Variants in CAST observed in about 807,000 individuals in gnomAD.
CAST encodes MIR583 host.
Under a neutral mutation model 119.6 loss-of-function variants are expected in CAST, and 76 were observed. The ratio of observed to expected loss-of-function variants is 0.64; its 90% confidence interval spans 0.53 to 0.77. The LOEUF is 0.77. Among genes scored for constraint, CAST ranks in the 30% least tolerant of loss-of-function variants. The probability of loss-of-function intolerance (pLI) is 0.00; values close to 1 mark genes in which losing one functional copy is unlikely to be tolerated. For synonymous variants in CAST, 319 were observed against 331.6 expected, an observed-to-expected ratio of 0.96 and a Z score of 0.41; for missense variants, 953 against 946.5, an observed-to-expected ratio of 1.01 and a Z score of -0.09.
chr5:95,986,870 G>C, the CAST span, among the ~76,000 whole-genome samples: 1 of 152,164 alleles, frequency 6.6e-6, no homozygotes, highest in Non-Finnish European at 1.5e-5. Flanking sequence ...CCAGGGTAGG[G>C]TTATATCCAT....
At chr5:96,700,750 T>C (rs1433353841) in intron 3 of CAST, among the ~76,000 whole-genome samples, 1 of 152,072 alleles carries the variant, frequency 6.6e-6, no homozygotes, top group Non-Finnish European at 1.5e-5. Flanking sequence ...GGATTTCATA[T>C]ATTTAATAGG....
intron 1 of CAST, among the ~76,000 whole-genome samples, chr5:96,534,119 T>G (rs1745739665): frequency 1.3e-5 from 2 of 152,216 alleles, no homozygotes; most frequent in South Asian, 4.1e-4. Flanking sequence ...GTTTTTCTGA[T>G]GAGCTCAGTA....
the CAST span, among the ~76,000 whole-genome samples, chr5:96,085,975 A>C: frequency 3.3e-5 from 3 of 91,480 alleles, no homozygotes; most frequent in African/African-American, 1.2e-4. Context: ...TGTATCTGCA[A>C]GGGATTGCTT....
rs146711608 is a variant in CAST at position 96,653,517 on chromosome 5, C to T, written c.61-22022C>T. Among the ~76,000 whole-genome samples the T allele has an allele frequency of 3.3e-4, 50 of 152,278 alleles. No homozygotes were observed. The East Asian group carries it at 8.3e-3, about 25-fold the overall frequency. ...ATGAAGTCTTACCTTCTTAAAACAC[C>T]CATCTCCTTCTCTGTAAAATAAGGG... On this transcript the variant is annotated intron_variant, in intron 1 of 11. Transcript: ENST00000505143.
At chr5:96,170,348 C>T in the CAST span, among the ~76,000 whole-genome samples, 6 of 152,134 alleles carry the variant, frequency 3.9e-5, no homozygotes, top group South Asian at 4.1e-4. Flanking sequence ...TAGCAAGCTG[C>T]GGGAGGAGGT....
intron 1 of CAST, among the ~76,000 whole-genome samples, chr5:96,589,804 G>A (rs9314174): frequency 5.9e-5 from 9 of 151,944 alleles, no homozygotes; most frequent in Non-Finnish European, 1.3e-4. Flanking sequence ...CAGCTATCAC[G>A]TCTCATTCAT....
intron 3 of CAST, chr5:96,696,141 A>G (rs905383154): frequency 1.2e-4 from 31 of 262,482 alleles, no homozygotes; most frequent in Non-Finnish European, 2.0e-4. Flanking sequence ...TAAGCGTTAA[A>G]TAAATATTAA....
At chr5:96,447,105 C>T in the CAST span, among the ~76,000 whole-genome samples, 1 of 152,226 alleles carries the variant, frequency 6.6e-6, no homozygotes, top group Admixed American at 6.5e-5. Flanking sequence ...TCGGAGAATT[C>T]AGTGTGGCAG....
At chr5:96,022,284 A>G in the CAST span, among the ~76,000 whole-genome samples, 2 of 152,236 alleles carry the variant, frequency 1.3e-5, no homozygotes, top group Admixed American at 6.5e-5. Flanking sequence ...AATATATGTC[A>G]TATTGTTAAG....
At chr5:96,634,089 T>C (rs1747856346) in intron 1 of CAST, among the ~76,000 whole-genome samples, 1 of 152,256 alleles carries the variant, frequency 6.6e-6, no homozygotes. Context: ...AGTTTTATAC[T>C]GTGTCTATTG....
At chr5:96,129,664 T>C in the CAST span, among the ~76,000 whole-genome samples, 1 of 152,090 alleles carries the variant, frequency 6.6e-6, no homozygotes, top group Non-Finnish European at 1.5e-5. Context: ...TATTTCCCGA[T>C]CCATTTAAAA....
intron 27 of CAST, 90 bp from the exon 28 acceptor site, chr5:96,767,348 A>G: frequency 9.8e-7 from 1 of 1,020,636 alleles, no homozygotes; most frequent in African/African-American, 1.6e-5. Context: ...ATCCAAGTCA[A>G]GTCATGGGAC....
At position 96,748,567 on chromosome 5, in the gene CAST, G is replaced by A. The variant is rs142513839; in HGVS notation, c.1382G>A (p.Arg461Gln). ...GATGAACTTTCAGAAGATTTTGACC[G>A]GTCTGAATGTAAAGAGAAACCATCT... is the stretch of plus-strand genomic sequence containing the variant. ...LIDELSEDFD[R>Q]SECKEKPSKP... The change falls in exon 19 of 32, where the codon CGG becomes CAG. Residue 461 changes from arginine (R) to glutamine (Q), a missense_variant. Physicochemically the swap from Arg to Gln is conservative, Grantham distance 43 (BLOSUM62 1). Coordinates refer to ENST00000675179, the MANE Select transcript of CAST (RefSeq NM_001750.7). 70 of 1,585,450 alleles carry A rather than the reference G, an allele frequency of 4.4e-5. 1 individual carries two copies. The African/African-American group carries it at 7.1e-4, about 16-fold the overall frequency.
chr5:96,311,991 CT>C, the CAST span, among the ~76,000 whole-genome samples: 1 of 151,776 alleles, frequency 6.6e-6, no homozygotes, highest in Admixed American at 6.6e-5. Context: ...TACTTTGTTT[CT>C]TTTTTTCTCT....
intron 1 of CAST, among the ~76,000 whole-genome samples, chr5:96,662,702 G>C (rs1366995805): frequency 2.1e-5 from 3 of 144,378 alleles, no homozygotes; most frequent in Admixed American, 2.0e-4. Flanking sequence ...CCAGTGCGCT[G>C]GGCGTGGCGT....
At chr5:96,771,786 C>CGGG (rs1772456996) in intron 31 of CAST, 84 bp downstream of exon 31, 2 of 780,448 alleles carry the variant, frequency 2.6e-6, no homozygotes, top group Non-Finnish European at 4.4e-6. Context: ...TGAAGTCCAC[C>CGGG]TCTTGAGTAA....
chr5:96,239,940 C>T, the CAST span, among the ~76,000 whole-genome samples: 460 of 152,030 alleles, frequency 3.0e-3, 3 homozygotes, highest in Non-Finnish European at 5.4e-3. Flanking sequence ...GCCTTTTACC[C>T]AGGCACACTT....
chr5:96,726,837 A>T lies in CAST; in HGVS notation c.314A>T (p.Asn105Ile). The T allele has an allele frequency of 6.2e-7, 1 of 1,613,516 alleles. No individual in the cohort carries two copies. The highest frequency in any genetic ancestry group is 8.5e-7 in the Non-Finnish European group (1 of 1,179,550). The change falls in exon 5 of 32, where the codon AAC becomes ATC. Residue 105 changes from asparagine to isoleucine, a missense_variant. Physicochemically the swap from Asn to Ile is moderately radical, Grantham distance 149. Transcript: ENST00000675179. ...SQQMEGPHLP[N>I]KKKHKKQAVK... ...CAGATGGAAGGACCACATCTTCCTA[A>T]CAAGAAAAAACACAAAAAACAGGTG...
rs368883373 is a variant in CAST, at chr5:96,595,823, A to G, written c.60+65943A>G. On this transcript the variant is annotated intron_variant, in intron 1 of 11. Transcript: ENST00000505143. Reference sequence around the variant, plus strand: ...AAACAAAATAGAGTTAAAATTCAACATAACATATTAGACCCAAATAATGGA... The same window carrying G: ...AAACAAAATAGAGTTAAAATTCAACGTAACATATTAGACCCAAATAATGGA... 3.1e-4 allele frequency among the ~76,000 whole-genome samples: 47 copies of G among 152,372 alleles called. No homozygotes were observed. In the South Asian group the frequency reaches 6.8e-3, roughly 22 times the overall value.
Sources: allele counts gnomAD v4.1 joint callset (sites outside exome capture counted in the v4.1 genomes callset), GRCh38; gene constraint gnomAD v4.1.1; transcripts MANE v1.5; gene names NCBI Gene and HGNC (gene_info 2026-07-23, HGNC 2026-07-21).